The following CLYBL variants were observed in gnomAD, a reference collection of about 807,000 sequenced individuals.
CLYBL encodes citramalyl-CoA lyase, also known as citramalyl-CoA lyase, mitochondrial.
In CLYBL, 31 loss-of-function variants were observed where a neutral mutation model predicts 38.9. The observed-to-expected ratio is 0.80, with a 90% CI of 0.60 to 1.08. The LOEUF (loss-of-function observed/expected upper bound fraction) is 1.08, where lower values mean the gene tolerates loss of function less well. CLYBL is among the 50% of genes least tolerant of loss of function. The pLI, the probability that CLYBL is intolerant of heterozygous loss-of-function variation, is 0.00. For missense variants in CLYBL, 434 were observed against 411.6 expected (o/e 1.05, Z -0.47); for synonymous variants, 171 against 158.6 (o/e 1.08, Z -0.59).
intron 2 of CLYBL, among the ~76,000 whole-genome samples, chr13:99,791,299 T>G (rs1166278446): frequency 6.6e-6 from 1 of 152,002 alleles, no homozygotes; most frequent in African/African-American, 2.4e-5. Context: ...GGGCCAGCTG[T>G]GAGGCTCAAA....
chr13:99,686,710 G>A (rs1208919786), intron 1 of CLYBL, among the ~76,000 whole-genome samples: 2 of 152,330 alleles, frequency 1.3e-5, no homozygotes, highest in African/African-American at 4.8e-5. Context: ...TGTCTGGATA[G>A]TGGATTTTAG....
chr13:99,897,090 G>C (rs920151959), downstream of CLYBL: 1 of 152,220 alleles, frequency 6.6e-6, no homozygotes, highest in African/African-American at 2.4e-5. Context: ...GATAACAAGA[G>C]AGGTGCGAAT....
At chr13:99,870,687 C>T (rs1020707031) in intron 6 of CLYBL, among the ~76,000 whole-genome samples, 3 of 152,148 alleles carry the variant, frequency 2.0e-5, no homozygotes, top group African/African-American at 7.2e-5. Context: ...ATTATCTGCC[C>T]TAAGGTGGCA....
At chr13:99,907,385 T>C (rs1028963920) in intron 9 of CLYBL, among the ~76,000 whole-genome samples, 9 of 152,128 alleles carry the variant, frequency 5.9e-5, no homozygotes, top group African/African-American at 2.2e-4. Context: ...ACTGGACAAG[T>C]GTTGGTTCCT....
In CLYBL at chr13:99,671,776, T is replaced by C. The variant is rs1359740632; in HGVS notation, c.62+65019T>C. On this transcript the variant is annotated intron_variant, in intron 1 of 8. Transcript: ENST00000339105. Reference sequence around the variant, plus strand: ...GCTTGGGTGACACAGCAAGACTCTTTCTCAAAAAAAAAAAAAAAATAATAA... The same window carrying C: ...GCTTGGGTGACACAGCAAGACTCTTCCTCAAAAAAAAAAAAAAAATAATAA... Among the ~76,000 whole-genome samples, 21 of 105,424 alleles carry C rather than the reference T, an allele frequency of 2.0e-4. 1 individual carries two copies. Among genetic ancestry groups the C allele is most frequent in the Admixed American group, 1.2e-3 (13 of 10,746 alleles). The allele number at this position is 105,424 out of a possible 152,430, so 69.2% of individuals were successfully genotyped here. A position where few individuals can be genotyped will look rare whatever the true frequency, so the allele number is the denominator to read the frequency against.
At chr13:99,740,656 G>T (rs1231116493) in intron 1 of CLYBL, among the ~76,000 whole-genome samples, 1 of 152,192 alleles carries the variant, frequency 6.6e-6, no homozygotes, top group African/African-American at 2.4e-5. Flanking sequence ...TATAGATTCT[G>T]CATCTCTCAA....
At chr13:99,773,567 G>A (rs2049446557) in intron 2 of CLYBL, among the ~76,000 whole-genome samples, 2 of 152,144 alleles carry the variant, frequency 1.3e-5, no homozygotes, top group Non-Finnish European at 2.9e-5. Context: ...ATCTGAGGTG[G>A]AACAGTTTCA....
intron 1 of CLYBL, among the ~76,000 whole-genome samples, chr13:99,620,533 T>C (rs915058988): frequency 1.3e-5 from 2 of 152,184 alleles, no homozygotes; most frequent in African/African-American, 4.8e-5. Flanking sequence ...TCCCAGCACT[T>C]TGGGAGGCCA....
intron 7 of CLYBL, among the ~76,000 whole-genome samples, chr13:99,884,363 C>T (rs2052291523): frequency 6.6e-6 from 1 of 152,116 alleles, no homozygotes; most frequent in African/African-American, 2.4e-5. Flanking sequence ...CAGCTCACGC[C>T]CCAGAGAGAG....
chr13:99,801,395 C>T (rs2050133706), intron 2 of CLYBL, among the ~76,000 whole-genome samples: 1 of 151,878 alleles, frequency 6.6e-6, no homozygotes, highest in Non-Finnish European at 1.5e-5. Context: ...AAGAACCATA[C>T]TGTTCCAAGG....
intron 2 of CLYBL, among the ~76,000 whole-genome samples, chr13:99,828,074 G>T (rs564172559): frequency 2.6e-5 from 4 of 152,180 alleles, no homozygotes; most frequent in Non-Finnish European, 5.9e-5. Context: ...GGATTGCAGG[G>T]TGTACAAACA....
intron 1 of CLYBL, among the ~76,000 whole-genome samples, chr13:99,763,618 G>A (rs1486047030): frequency 2.8e-5 from 4 of 143,564 alleles, no homozygotes; most frequent in African/African-American, 1.1e-4. Flanking sequence ...GCAGTGGCAC[G>A]ATCTCGGCTC....
rs1037114766 is a variant in CLYBL, at chr13:99,860,095, T to C, written c.438+1046T>C. On this transcript the variant is annotated intron_variant, in intron 3 of 8. Coordinates refer to ENST00000339105, the MANE Select transcript of CLYBL (RefSeq NM_206808.5). ...CACGGCCACTATGACATGTGGCTTC[T>C]GAGCATTGAAACGTGGCCAGCACAA... Among the ~76,000 whole-genome samples, 6 of 152,288 alleles carry C rather than the reference T, an allele frequency of 3.9e-5. No homozygotes were observed. The East Asian group carries it at 9.6e-4, about 24-fold the overall frequency.
chr13:99,752,549 A>G (rs911540007), intron 1 of CLYBL, among the ~76,000 whole-genome samples: 4 of 152,046 alleles, frequency 2.6e-5, no homozygotes, highest in African/African-American at 9.7e-5. Context: ...TCCTAAGAAC[A>G]CAGCCCAGCC....
chr13:99,713,128 C>G (rs2048259790), intron 1 of CLYBL, among the ~76,000 whole-genome samples: 2 of 151,952 alleles, frequency 1.3e-5, no homozygotes, highest in South Asian at 4.2e-4. Flanking sequence ...GATTCTTGAT[C>G]CTTTTTCTGT....
Position 99,606,746 on chromosome 13 carries a change from G to A in CLYBL, c.51G>A (p.Ala17=). The stretch of plus-strand genomic sequence containing the variant: ...CGGCGCGCGGAGCTGCGGCGGCGGC[G>A]CTGCTGAGGCTGTGAGTGCAGGTCC... The part of the protein sequence containing the change: ...RRAARGAAAA[A]LLRLKASLAA... The change falls in exon 1 of 9, where the codon GCG becomes GCA. Residue 17 remains alanine, a synonymous_variant. Transcript: ENST00000339105. 2.7e-6 allele frequency: 4 copies of A among 1,482,966 alleles called. No individual in the cohort carries two copies. Among genetic ancestry groups the A allele is most frequent in the East Asian group, 2.9e-5 (1 of 34,474 alleles). 91.9% of individuals were successfully genotyped at this position (1,482,966 alleles called of 1,614,324 possible).
intron 7 of CLYBL, among the ~76,000 whole-genome samples, chr13:99,872,656 G>A (rs2051936829): frequency 6.6e-6 from 1 of 152,182 alleles, no homozygotes; most frequent in Non-Finnish European, 1.5e-5. Context: ...TCCAGTCTGG[G>A]CCAGCACTGT....
chr13:99,725,843 A>G (rs1377186159), intron 1 of CLYBL, among the ~76,000 whole-genome samples: 3 of 152,162 alleles, frequency 2.0e-5, no homozygotes, highest in Non-Finnish European at 4.4e-5. Flanking sequence ...CATTTGATGC[A>G]GGAGGGTCGG....
intron 1 of CLYBL, among the ~76,000 whole-genome samples, chr13:99,762,541 T>C (rs1232946856): frequency 6.6e-6 from 1 of 152,246 alleles, no homozygotes; most frequent in African/African-American, 2.4e-5. Flanking sequence ...TCTGTTTTTA[T>C]GCGGGTACCA....
Sources: allele counts gnomAD v4.1 joint callset (sites outside exome capture counted in the v4.1 genomes callset), GRCh38; gene constraint gnomAD v4.1.1; transcripts MANE v1.5; gene names NCBI Gene and HGNC (gene_info 2026-07-23, HGNC 2026-07-21).